The following KLRG1 variants were observed in gnomAD, a reference collection of about 807,000 sequenced individuals.
KLRG1 encodes the protein killer cell lectin like receptor G1.
In KLRG1, 16 loss-of-function variants were observed where a neutral mutation model predicts 21.8. The observed-to-expected ratio is 0.73, with a 90% CI of 0.50 to 1.11. The LOEUF (loss-of-function observed/expected upper bound fraction) is 1.11, where lower values mean the gene tolerates loss of function less well. KLRG1 is among the 50% of genes most tolerant of loss of function. The pLI is 0.00. For synonymous variants in KLRG1, 69 were observed against 75.9 expected, an observed-to-expected ratio of 0.91 and a Z score of 0.47; for missense variants, 173 against 218.3, an observed-to-expected ratio of 0.79 and a Z score of 1.31.
At chr12:9,074,362 C>T in the KLRG1 span, among the ~76,000 whole-genome samples, 66 of 152,164 alleles carry the variant, frequency 4.3e-4, 1 homozygote, top group African/African-American at 1.2e-3. Flanking sequence ...GATGGGGTGC[C>T]GGGATTCTGA....
the KLRG1 span, chr12:9,168,948 G>C: frequency 6.2e-7 from 1 of 1,613,850 alleles, no homozygotes; most frequent in Non-Finnish European, 8.5e-7. Flanking sequence ...GGATTTTTGA[G>C]TTAGTGAACA....
chr12:9,191,105 G>A, the KLRG1 span, among the ~76,000 whole-genome samples: 1 of 152,078 alleles, frequency 6.6e-6, no homozygotes, highest in Non-Finnish European at 1.5e-5. Context: ...TCTTCACAAA[G>A]TAAATGATTA....
the KLRG1 span, chr12:9,115,689 G>A: frequency 9.0e-7 from 1 of 1,112,748 alleles, no homozygotes; most frequent in Admixed American, 1.8e-5. Context: ...AAAGAAAAAG[G>A]AATGATATAA....
the KLRG1 span, chr12:9,098,820 AT>A: frequency 6.4e-7 from 1 of 1,558,638 alleles, no homozygotes; most frequent in Non-Finnish European, 8.7e-7. Context: ...ATTCACTCGC[AT>A]TTGCAGAGTG....
chr12:9,182,207 T>A, the KLRG1 span: 1 of 1,097,004 alleles, frequency 9.1e-7, no homozygotes, highest in Non-Finnish European at 1.2e-6. Flanking sequence ...TGCTTGGTCT[T>A]ATCCACTTGA....
intron 1 of KLRG1, among the ~76,000 whole-genome samples, chr12:8,964,305 T>G (rs1267516365): frequency 1.3e-5 from 2 of 152,240 alleles, no homozygotes; most frequent in Non-Finnish European, 2.9e-5. Flanking sequence ...CCAGTAGCCA[T>G]TCAGGAGCAG....
the KLRG1 span, among the ~76,000 whole-genome samples, chr12:9,144,414 C>T: frequency 5.3e-5 from 8 of 152,212 alleles, no homozygotes; most frequent in African/African-American, 1.9e-4. Context: ...GGTGGTTGGC[C>T]AGAGACTCTC....
At chr12:8,994,995 C>T (rs1947085568) in intron 2 of KLRG1, 124 bp from the exon 3 acceptor site, 13 of 772,476 alleles carry the variant, frequency 1.7e-5, no homozygotes, top group Non-Finnish European at 2.6e-5. Flanking sequence ...ATTTCTCTAA[C>T]CCTTAATCTG....
chr12:9,196,547 C>T, the KLRG1 span: 1 of 1,579,286 alleles, frequency 6.3e-7, no homozygotes, highest in Non-Finnish European at 8.7e-7. Context: ...TGTTTTATTT[C>T]CCATATTCGT....
chr12:9,079,943 G>C, the KLRG1 span: 2 of 1,057,444 alleles, frequency 1.9e-6, no homozygotes, highest in South Asian at 2.2e-5. Flanking sequence ...TCCAGGGATA[G>C]AAGTATGATT....
At chr12:8,993,510 G>A (rs767707695) in intron 2 of KLRG1, among the ~76,000 whole-genome samples, 20 of 151,966 alleles carry the variant, frequency 1.3e-4, no homozygotes, top group South Asian at 1.0e-3. Context: ...GGCTGGTCTC[G>A]AACTCCTGAC....
At chr12:8,955,091 A>AT (rs1027517526) in intron 1 of KLRG1, among the ~76,000 whole-genome samples, 1 of 151,690 alleles carries the variant, frequency 6.6e-6, no homozygotes, top group African/African-American at 2.4e-5. Context: ...TAATTTTTAT[A>AT]TTTTTAGTAG....
chr12:8,956,606 C>T (rs781148047), intron 1 of KLRG1, among the ~76,000 whole-genome samples: 3 of 152,158 alleles, frequency 2.0e-5, no homozygotes, highest in East Asian at 3.9e-4. Flanking sequence ...CCACGACTTC[C>T]GGCTAATTTG....
chr12:9,074,645 G>T, the KLRG1 span: 9 of 1,614,022 alleles, frequency 5.6e-6, no homozygotes, highest in East Asian at 2.0e-4. Context: ...GTCCTCCGAG[G>T]TTGGGGCTGG....
At chr12:9,147,177 AT>A in the KLRG1 span, among the ~76,000 whole-genome samples, 1 of 152,086 alleles carries the variant, frequency 6.6e-6, no homozygotes, top group African/African-American at 2.4e-5. Flanking sequence ...AGAGCAGGAA[AT>A]TTTTTGTCCA....
At chr12:9,003,833 C>T (rs1947380048) in intron 3 of KLRG1, among the ~76,000 whole-genome samples, 1 of 152,094 alleles carries the variant, frequency 6.6e-6, no homozygotes, top group East Asian at 1.9e-4. Flanking sequence ...AGGTATATCT[C>T]CTAATGCTAT....
At chr12:9,110,136 TG>T in the KLRG1 span, 1 of 1,303,678 alleles carries the variant, frequency 7.7e-7, no homozygotes, top group Non-Finnish European at 1.1e-6. Context: ...AAAGGTCAAA[TG>T]GGGTAGTAGT....
At chr12:9,167,444 T>C in the KLRG1 span, 1 of 152,174 alleles carries the variant, frequency 6.6e-6, no homozygotes, top group Non-Finnish European at 1.5e-5. Flanking sequence ...GATCCATGGG[T>C]TGCAGAGATC....
the KLRG1 span, among the ~76,000 whole-genome samples, chr12:9,078,096 A>T: frequency 9.3e-4 from 141 of 152,200 alleles, no homozygotes; most frequent in African/African-American, 3.3e-3. Flanking sequence ...TAGTTCCGAG[A>T]TACATGTGCA....
Sources: allele counts gnomAD v4.1 joint callset (sites outside exome capture counted in the v4.1 genomes callset), GRCh38; gene constraint gnomAD v4.1.1; transcripts MANE v1.5; gene names NCBI Gene and HGNC (gene_info 2026-07-23, HGNC 2026-07-21).